The following NRP2 variants were observed in gnomAD, a reference collection of about 807,000 sequenced individuals.
NRP2 encodes neuropilin-2.
A neutral mutation model predicts 110.4 loss-of-function variants in NRP2; 52 were observed. The ratio of observed to expected loss-of-function variants is 0.47; its 90% CI spans 0.38 to 0.59. The LOEUF is 0.59. Ranked by LOEUF, NRP2 falls within the 20% of genes least tolerant of loss-of-function variation. NRP2 has a pLI of 0.00. For missense variants in NRP2, 1,049 were observed against 1,203.0 expected, an observed-to-expected ratio of 0.87 and a Z score of 1.89; for synonymous variants, 508 against 468.9, an observed-to-expected ratio of 1.08 and a Z score of -1.08.
Position 205,722,293 on chromosome 2 carries a change from C to T in NRP2, c.434-185C>T, listed in dbSNP as rs947804858. On this transcript the variant is annotated intron_variant, in intron 3 of 16. Coordinates refer to ENST00000357785, the MANE Select transcript of NRP2 (RefSeq NM_003872.3). ...AATTATGTAGAGCAAGCCAGCTGTG[C>T]CTCCCTAATTTATGAGGGCTTGAAA... 2.1e-5 allele frequency: 13 copies of T among 630,412 alleles called. No homozygotes were observed. In the Admixed American group the frequency reaches 2.9e-4, roughly 14 times the overall value. The allele number at this position is 630,412 out of a possible 1,614,324, so 39.1% of individuals were successfully genotyped here.
chr2:205,695,272 T>C (rs549716502), intron 1 of NRP2, among the ~76,000 whole-genome samples: 63 of 152,338 alleles, frequency 4.1e-4, no homozygotes, highest in Middle Eastern at 3.4e-3. Context: ...CTATCAGCTA[T>C]GGGATATATA....
At chr2:205,768,878 T>C (rs1559359095) in intron 15 of NRP2, among the ~76,000 whole-genome samples, 1 of 152,300 alleles carries the variant, frequency 6.6e-6, no homozygotes, top group South Asian at 2.1e-4. Context: ...AGAATCTGAA[T>C]TGGGAATGGA....
chr2:205,724,820 C>A lies in NRP2; in HGVS notation c.820+880C>A, dbSNP rs1209000663. Among the ~76,000 whole-genome samples the A allele has an allele frequency of 2.0e-5, 3 of 152,004 alleles. No homozygotes were observed. In the East Asian group the frequency reaches 5.8e-4, roughly 29 times the overall value. Reference sequence around the variant, plus strand: ...TAGCTGGAACTACAGGCATGCGCCACCATGCCCAGCTAATTTTTGTATTTT... The same window carrying A: ...TAGCTGGAACTACAGGCATGCGCCAACATGCCCAGCTAATTTTTGTATTTT... On this transcript the variant is annotated intron_variant, in intron 5 of 16. Coordinates refer to ENST00000357785, the MANE Select transcript of NRP2 (RefSeq NM_003872.3).
chr2:205,763,955 G>A lies in NRP2; in HGVS notation c.2307+19G>A. The stretch of plus-strand genomic sequence containing the variant: ...GTACCAGGTGGGGTGAGCAAAAAGG[G>A]AATCTTGTGATCCGTATTTCAATAT... On this transcript the variant is annotated intron_variant, in intron 13 of 16. Coordinates refer to ENST00000357785, the MANE Select transcript of NRP2 (RefSeq NM_003872.3). The surrounding 1 kb of genome is among the most constrained non-coding windows in gnomAD (Gnocchi z 4.0). 6.2e-7 allele frequency: 1 copy of A among 1,613,724 alleles called. No homozygotes were observed. The highest frequency in any genetic ancestry group is 8.5e-7 in the Non-Finnish European group (1 of 1,179,846).
At chr2:205,767,169 A>C in intron 15 of NRP2, 1 of 353,398 alleles carries the variant, frequency 2.8e-6, no homozygotes, top group Non-Finnish European at 5.3e-6. Flanking sequence ...AATCAGTATA[A>C]ATTAAAAGTG....
chr2:205,715,258 A>G (rs2056871658), intron 2 of NRP2, among the ~76,000 whole-genome samples: 1 of 152,138 alleles, frequency 6.6e-6, no homozygotes, highest in South Asian at 2.1e-4. Context: ...TCAAGATAAA[A>G]TGGTGCATTA....
Position 205,723,825 on chromosome 2 carries a change from C to T in NRP2, c.705C>T (p.Pro235=). Residue 235 remains proline, a synonymous_variant, in exon 5 of 17, where the codon CCC becomes CCT. Coordinates refer to ENST00000357785, the MANE Select transcript of NRP2 (RefSeq NM_003872.3). ...LIGKYCGTKT[P]SELRSSTGIL... ...GCAAGTACTGTGGGACCAAAACACCCTCTGAACTTCGTTCATCGACGGGGA... is the reference window on the plus strand; with the variant it reads ...GCAAGTACTGTGGGACCAAAACACCTTCTGAACTTCGTTCATCGACGGGGA... The T allele has an allele frequency of 6.2e-7, 1 of 1,614,198 alleles. No individual in the cohort carries two copies. The highest frequency in any genetic ancestry group is 1.3e-5 in the African/African-American group (1 of 75,064).
intron 15 of NRP2, chr2:205,775,998 T>A: frequency 1.5e-6 from 1 of 681,542 alleles, no homozygotes. Context: ...ACTTAACCTC[T>A]CTCCACCTCT....
intron 16 of NRP2, among the ~76,000 whole-genome samples, chr2:205,793,683 A>T (rs1297994224): frequency 6.6e-6 from 1 of 152,224 alleles, no homozygotes; most frequent in Non-Finnish European, 1.5e-5. Flanking sequence ...TGTGTGTCTC[A>T]GAATTTCCCC....
chr2:205,793,855 C>G (rs2058327223), intron 16 of NRP2, among the ~76,000 whole-genome samples: 2 of 152,096 alleles, frequency 1.3e-5, no homozygotes, highest in South Asian at 4.1e-4. Flanking sequence ...CAACCAGTAA[C>G]AATAAGGCAC....
chr2:205,722,686 C>T lies in NRP2; in HGVS notation c.642C>T (p.Asp214=). Residue 214 remains aspartate, a synonymous_variant, in exon 4 of 17, where the codon GAC becomes GAT. Coordinates refer to ENST00000357785, the MANE Select transcript of NRP2 (RefSeq NM_003872.3). The part of the protein sequence containing the change: ...GEGDCKYDWL[D]IWDGIPHVGP... ...GGGACTGCAAGTACGATTGGCTGGA[C>T]ATCTGGGATGGCATTCCACATGGTG... 1.9e-6 allele frequency: 3 copies of T among 1,614,098 alleles called. No homozygotes were observed. The highest frequency in any genetic ancestry group is 1.1e-5 in the South Asian group (1 of 91,076).
intron 15 of NRP2, among the ~76,000 whole-genome samples, chr2:205,772,999 C>T (rs2058045336): frequency 6.6e-6 from 1 of 152,232 alleles, no homozygotes; most frequent in Non-Finnish European, 1.5e-5. Flanking sequence ...CCTATGCCAT[C>T]CGTCCATTTA....
chr2:205,771,257 C>T (rs564048610), intron 15 of NRP2, among the ~76,000 whole-genome samples: 8 of 152,174 alleles, frequency 5.3e-5, no homozygotes, highest in Non-Finnish European at 8.8e-5. Flanking sequence ...TGGAAAGAGT[C>T]GTTTCTCAGG....
intron 3 of NRP2, among the ~76,000 whole-genome samples, chr2:205,721,175 G>A (rs2057004069): frequency 6.6e-6 from 1 of 152,292 alleles, no homozygotes; most frequent in Non-Finnish European, 1.5e-5. Context: ...AGGAGCTGCG[G>A]ATAAAGGCAT....
rs933430614 is a variant in NRP2, at chr2:205,745,969, C to G, written c.1786+79C>G. On this transcript the variant is annotated intron_variant, in intron 10 of 16. Coordinates refer to ENST00000357785, the MANE Select transcript of NRP2 (RefSeq NM_003872.3). ...GGCATCCCACGAGGCCCTGGGAGGG[C>G]TGTGGAGGGGGCAGCCATCCCAGGA... 5 of 1,542,568 alleles carry G rather than the reference C, an allele frequency of 3.2e-6. No individual in the cohort carries two copies. The East Asian group carries it at 1.1e-4, about 35-fold the overall frequency.
intron 16 of NRP2, among the ~76,000 whole-genome samples, chr2:205,793,921 G>A (rs557458554): frequency 5.2e-4 from 79 of 152,100 alleles, no homozygotes; most frequent in African/African-American, 1.6e-3. Flanking sequence ...TGCTTATATG[G>A]CCAGGAATAC....
intron 7 of NRP2, among the ~76,000 whole-genome samples, chr2:205,736,209 G>A (rs1002867917): frequency 2.0e-5 from 3 of 152,080 alleles, no homozygotes; most frequent in African/African-American, 7.2e-5. Context: ...AGGCTTGGTG[G>A]CGCATACCTG....
intron 10 of NRP2, 121 bp downstream of exon 10, chr2:205,746,011 A>C (rs918386258): frequency 1.3e-5 from 15 of 1,125,048 alleles, no homozygotes; most frequent in East Asian, 7.4e-5. Flanking sequence ...AATGCTGCAG[A>C]CCCCTGCCAT....
intron 2 of NRP2, 24 bp downstream of exon 2, chr2:205,697,745 T>C (rs200424886): frequency 7.4e-6 from 12 of 1,612,288 alleles, no homozygotes; most frequent in Non-Finnish European, 1.0e-5. Flanking sequence ...TGTCCCACTG[T>C]GTATCCCATC....
Sources: gnomAD v4.1 joint callset for allele counts (sites outside exome capture counted in the v4.1 genomes callset) on GRCh38, gnomAD v4.1.1 for gene constraint, Gnocchi (gnomAD v3.1) non-coding constraint, MANE v1.5 for transcripts, NCBI Gene and HGNC (gene_info 2026-07-23, HGNC 2026-07-21) for gene names.